The following SLIT3 variants were observed in gnomAD, a reference collection of about 807,000 sequenced individuals.
SLIT3 encodes the protein slit homolog 3 protein.
In SLIT3, 68 loss-of-function variants were observed where a neutral mutation model predicts 184.0. The observed-to-expected ratio is 0.37, with a 90% CI of 0.30 to 0.45. The LOEUF (loss-of-function observed/expected upper bound fraction) is 0.45, where lower values mean the gene tolerates loss of function less well. SLIT3 is among the 20% of genes least tolerant of loss of function. The pLI is 1.00. For synonymous variants in SLIT3, 831 were observed against 828.6 expected (o/e 1.00, Z -0.05); for missense variants, 1,707 against 2,026.0 (o/e 0.84, Z 3.02).
At chr5:168,704,052 C>T (rs957482490) in intron 26 of SLIT3, among the ~76,000 whole-genome samples, 1 of 150,790 alleles carries the variant, frequency 6.6e-6, no homozygotes. Flanking sequence ...CTTCTCAAAG[C>T]GTGCTCCTTG....
intron 4 of SLIT3, among the ~76,000 whole-genome samples, chr5:169,190,485 T>A (rs1763517811): frequency 6.6e-6 from 1 of 152,222 alleles, no homozygotes; most frequent in South Asian, 2.1e-4. Flanking sequence ...TAAACTAACT[T>A]CTGTCACTTG....
intron 4 of SLIT3, among the ~76,000 whole-genome samples, chr5:169,109,657 T>C (rs1760342166): frequency 6.6e-6 from 1 of 152,200 alleles, no homozygotes; most frequent in Admixed American, 6.5e-5. Context: ...TAAGGGACTC[T>C]CATGAGACTA....
chr5:169,109,042 T>G (rs540408669), intron 4 of SLIT3, among the ~76,000 whole-genome samples: 7 of 152,334 alleles, frequency 4.6e-5, no homozygotes, highest in Admixed American at 1.3e-4. Flanking sequence ...TAAGACTTGC[T>G]TCTCACTGAC....
At chr5:168,999,807 G>C (rs574808584) in intron 4 of SLIT3, among the ~76,000 whole-genome samples, 1 of 152,306 alleles carries the variant, frequency 6.6e-6, no homozygotes, top group East Asian at 1.9e-4. Flanking sequence ...GGGGCTGCAG[G>C]TACAGAGTGG....
At chr5:168,882,091 T>A (rs1759976145) in intron 5 of SLIT3, among the ~76,000 whole-genome samples, 1 of 152,204 alleles carries the variant, frequency 6.6e-6, no homozygotes, top group Non-Finnish European at 1.5e-5. Context: ...ATAACCTGCA[T>A]CTGGAAGCCA....
At chr5:168,689,288 C>T (rs1295132956) in intron 29 of SLIT3, among the ~76,000 whole-genome samples, 1 of 152,250 alleles carries the variant, frequency 6.6e-6, no homozygotes, top group Non-Finnish European at 1.5e-5. Flanking sequence ...CTGTAACCTG[C>T]ATTCTCCATT....
chr5:169,202,605 A>T (rs1189420958), intron 3 of SLIT3, among the ~76,000 whole-genome samples: 6 of 152,162 alleles, frequency 3.9e-5, no homozygotes, highest in Non-Finnish European at 7.4e-5. Context: ...CCCAGCAGGG[A>T]GGATAGAAAC....
At chr5:169,018,614 A>G (rs767939831) in intron 4 of SLIT3, 1 of 152,252 alleles carries the variant, frequency 6.6e-6, no homozygotes, top group South Asian at 2.1e-4. Context: ...CAAGAGTCCT[A>G]TCGTCTACCA....
At chr5:168,973,735 C>A (rs960705867) in intron 4 of SLIT3, among the ~76,000 whole-genome samples, 2 of 152,180 alleles carry the variant, frequency 1.3e-5, no homozygotes, top group African/African-American at 4.8e-5. Context: ...AACTCCTATA[C>A]CCTCTTCCTC....
chr5:168,895,599 A>G (rs1290682533), intron 4 of SLIT3, among the ~76,000 whole-genome samples: 3 of 152,224 alleles, frequency 2.0e-5, no homozygotes, highest in African/African-American at 4.8e-5. Flanking sequence ...GAAGCCCAGT[A>G]ACGGATGAAA....
Position 168,797,449 on chromosome 5 carries a change from T to A in SLIT3, c.936-1871A>T, listed in dbSNP as rs371137362. Among the ~76,000 whole-genome samples, 25 of 152,342 alleles carry A rather than the reference T, an allele frequency of 1.6e-4. 2 individuals carry two copies. Among genetic ancestry groups the A allele is most frequent in the African/African-American group, 5.8e-4 (24 of 41,578 alleles). On this transcript the variant is annotated intron_variant, in intron 9 of 35. Transcript: ENST00000519560. ...CCTCAGTTTTTGCAAGAGGATCCACTGCTCCCAACTGCAGGCCAATGAGCC... is the reference window on the plus strand; with the variant it reads ...CCTCAGTTTTTGCAAGAGGATCCACAGCTCCCAACTGCAGGCCAATGAGCC...
chr5:168,795,012 G>C (rs1163494386), intron 10 of SLIT3, among the ~76,000 whole-genome samples: 1 of 152,204 alleles, frequency 6.6e-6, no homozygotes, highest in East Asian at 1.9e-4. Context: ...AGCTCCGTGA[G>C]AGCAGACTTG....
chr5:168,941,090 T>A (rs188576061), intron 4 of SLIT3, among the ~76,000 whole-genome samples: 58 of 152,360 alleles, frequency 3.8e-4, no homozygotes, highest in Admixed American at 7.8e-4. Flanking sequence ...CTGTAGCTTA[T>A]TTGTTTCTCC....
chr5:168,939,420 A>C (rs1762264269), intron 4 of SLIT3, among the ~76,000 whole-genome samples: 1 of 152,220 alleles, frequency 6.6e-6, no homozygotes, highest in Non-Finnish European at 1.5e-5. Context: ...ACACTGCAGA[A>C]GTTTGGAATT....
intron 3 of SLIT3, among the ~76,000 whole-genome samples, chr5:169,199,205 G>A (rs1763840430): frequency 6.8e-6 from 1 of 147,514 alleles, no homozygotes; most frequent in Non-Finnish European, 1.5e-5. Flanking sequence ...AGGTATAATC[G>A]GCTGGGTTTT....
At chr5:168,866,154 G>A (rs1374627499) in intron 5 of SLIT3, among the ~76,000 whole-genome samples, 1 of 152,184 alleles carries the variant, frequency 6.6e-6, no homozygotes, top group African/African-American at 2.4e-5. Flanking sequence ...CCTAGCCGGG[G>A]TCATGTTTCC....
intron 4 of SLIT3, among the ~76,000 whole-genome samples, chr5:169,064,141 C>G (rs1031050577): frequency 2.0e-5 from 3 of 152,154 alleles, no homozygotes; most frequent in African/African-American, 7.2e-5. Flanking sequence ...TTCTGTTGCT[C>G]TCCTTTAAAC....
intron 4 of SLIT3, among the ~76,000 whole-genome samples, chr5:168,884,191 G>T (rs1368957470): frequency 1.3e-5 from 2 of 151,514 alleles, no homozygotes; most frequent in Non-Finnish European, 2.9e-5. Context: ...GGCCTGCTTG[G>T]ATCTCAACGA....
chr5:169,229,657 TC>T (rs1764929606), intron 3 of SLIT3, among the ~76,000 whole-genome samples: 1 of 151,272 alleles, frequency 6.6e-6, no homozygotes, highest in East Asian at 1.9e-4. Flanking sequence ...TCTCTCTCTC[TC>T]TCTCTCTCTC....
Sources: gnomAD v4.1 joint callset for allele counts (sites outside exome capture counted in the v4.1 genomes callset) on GRCh38, gnomAD v4.1.1 for gene constraint, MANE v1.5 for transcripts, NCBI Gene and HGNC (gene_info 2026-07-23, HGNC 2026-07-21) for gene names.